The following SMYD3 variants were observed in gnomAD, a reference collection of about 807,000 sequenced individuals.
The protein encoded by SMYD3 is SET and MYND domain containing 3, also known as histone-lysine N-methyltransferase SMYD3.
SMYD3 carries 36 observed loss-of-function variants against 57.7 expected under a neutral mutation model. The ratio of observed to expected loss-of-function variants is 0.62; its 90% confidence interval spans 0.48 to 0.82. The LOEUF (loss-of-function observed/expected upper bound fraction) is 0.82, where lower values mean the gene tolerates loss of function less well. Ranked by LOEUF, SMYD3 falls within the 40% of genes least tolerant of loss-of-function variation. The pLI is 0.00. For missense variants in SMYD3, 515 were observed against 538.8 expected (o/e 0.96, Z 0.44); for synonymous variants, 211 against 195.0 (o/e 1.08, Z -0.68).
chr1:245,818,417 C>T (rs935207959), intron 10 of SMYD3, among the ~76,000 whole-genome samples: 62 of 152,242 alleles, frequency 4.1e-4, no homozygotes, highest in African/African-American at 1.4e-3. Context: ...AAAGGAACAA[C>T]CGGTACCAGC....
intron 5 of SMYD3, among the ~76,000 whole-genome samples, chr1:246,115,660 TG>T (rs1159594977): frequency 1.3e-5 from 2 of 152,206 alleles, no homozygotes; most frequent in African/African-American, 4.8e-5. Flanking sequence ...ACTGGACAGT[TG>T]TCCCCAGTGT....
intron 5 of SMYD3, among the ~76,000 whole-genome samples, chr1:246,027,519 A>G (rs2059596783): frequency 6.6e-6 from 1 of 152,162 alleles, no homozygotes; most frequent in Non-Finnish European, 1.5e-5. Flanking sequence ...ACTGTGGTAA[A>G]TCTGTACTGC....
At chr1:245,805,264 G>C (rs1403885512) in intron 10 of SMYD3, among the ~76,000 whole-genome samples, 1 of 151,004 alleles carries the variant, frequency 6.6e-6, no homozygotes, top group East Asian at 1.9e-4. Context: ...TAATATAAGA[G>C]AGGGGCAAGT....
intron 5 of SMYD3, among the ~76,000 whole-genome samples, chr1:246,243,401 CAT>C (rs66916790): frequency 0.079 from 11,849 of 150,258 alleles, 988 homozygotes; most frequent in East Asian, 0.21. Context: ...TGATTCAACA[CAT>C]AGTGAGCCCT....
At chr1:245,854,469 A>C (rs1323490684) in intron 10 of SMYD3, among the ~76,000 whole-genome samples, 1 of 152,196 alleles carries the variant, frequency 6.6e-6, no homozygotes, top group Non-Finnish European at 1.5e-5. Context: ...CATATCCATG[A>C]GATGAAATAC....
intron 5 of SMYD3, among the ~76,000 whole-genome samples, chr1:246,073,497 G>A (rs1027465374): frequency 4.6e-5 from 7 of 151,950 alleles, no homozygotes; most frequent in African/African-American, 1.5e-4. Context: ...CGGGCAGATC[G>A]CTTGAGCCCA....
chr1:246,462,030 G>C lies in SMYD3; in HGVS notation c.164+45024C>G, dbSNP rs375306426. ...ACCTAATCCAGGCTAGTGTGGTAGGGAGGGCAAGGAAGGCTTCCACAAAAG... is the reference window on the plus strand; with the variant it reads ...ACCTAATCCAGGCTAGTGTGGTAGGCAGGGCAAGGAAGGCTTCCACAAAAG... On this transcript the variant is annotated intron_variant, in intron 1 of 11. Coordinates refer to ENST00000490107, the MANE Select transcript of SMYD3 (RefSeq NM_001167740.2). 4.6e-5 allele frequency among the ~76,000 whole-genome samples: 7 copies of C among 152,328 alleles called. No homozygotes were observed. In the East Asian group the frequency reaches 7.7e-4, roughly 17 times the overall value.
intron 5 of SMYD3, among the ~76,000 whole-genome samples, chr1:246,229,552 G>T (rs957918762): frequency 6.6e-6 from 1 of 152,110 alleles, no homozygotes; most frequent in African/African-American, 2.4e-5. Context: ...GTCTGTTTTC[G>T]CAGTTATAAT....
chr1:246,190,274 G>T (rs955711647), intron 5 of SMYD3, among the ~76,000 whole-genome samples: 6 of 152,164 alleles, frequency 3.9e-5, no homozygotes, highest in African/African-American at 1.4e-4. Context: ...GTATACTTAA[G>T]AGTTTTATTT....
chr1:246,218,276 T>C lies in SMYD3; in HGVS notation c.531+108925A>G, dbSNP rs931928396. Among the ~76,000 whole-genome samples, 6 of 151,382 alleles carry C rather than the reference T, an allele frequency of 4.0e-5. No homozygotes were observed. In the South Asian group the frequency reaches 8.3e-4, roughly 21 times the overall value. Reference sequence around the variant, plus strand: ...AACATAAGATTCAAGATAGTGATTATTTCGTGGGGTGGAGAGGGAGATAAG... The same window carrying C: ...AACATAAGATTCAAGATAGTGATTACTTCGTGGGGTGGAGAGGGAGATAAG... On this transcript the variant is annotated intron_variant, in intron 5 of 11. Transcript: ENST00000490107.
intron 5 of SMYD3, among the ~76,000 whole-genome samples, chr1:246,270,836 A>G (rs2064206835): frequency 1.3e-5 from 2 of 152,184 alleles, no homozygotes; most frequent in Admixed American, 6.5e-5. Context: ...ACATACACAT[A>G]AATGGAATTG....
At chr1:246,102,562 C>A (rs984966301) in intron 5 of SMYD3, among the ~76,000 whole-genome samples, 39 of 152,058 alleles carry the variant, frequency 2.6e-4, no homozygotes, top group African/African-American at 8.7e-4. Flanking sequence ...CCCTACAGTC[C>A]CTTCTTGGAA....
chr1:246,201,734 C>T (rs2062925563), intron 5 of SMYD3, among the ~76,000 whole-genome samples: 1 of 152,190 alleles, frequency 6.6e-6, no homozygotes, highest in Admixed American at 6.5e-5. Flanking sequence ...ATTTTCAGGC[C>T]AGGCGCGGTG....
intron 5 of SMYD3, among the ~76,000 whole-genome samples, chr1:246,229,646 C>G (rs982259552): frequency 1.2e-4 from 18 of 152,182 alleles, no homozygotes; most frequent in African/African-American, 4.3e-4. Flanking sequence ...CAAAGGACCT[C>G]TGACTGCGTC....
At chr1:246,260,503 T>G (rs1262074755) in intron 5 of SMYD3, among the ~76,000 whole-genome samples, 2 of 152,028 alleles carry the variant, frequency 1.3e-5, no homozygotes, top group Non-Finnish European at 2.9e-5. Flanking sequence ...CAGGCTGGAG[T>G]GCAATGGCCC....
chr1:246,197,589 GA>G (rs2062845355), intron 5 of SMYD3, among the ~76,000 whole-genome samples: 2 of 131,406 alleles, frequency 1.5e-5, no homozygotes, highest in Non-Finnish European at 3.1e-5. Flanking sequence ...CAAAAACAAA[GA>G]AAGTATGAAA....
chr1:245,870,650 T>C (rs1313550137), intron 8 of SMYD3, among the ~76,000 whole-genome samples: 1 of 152,200 alleles, frequency 6.6e-6, no homozygotes, highest in East Asian at 1.9e-4. Flanking sequence ...AGGGTATCAC[T>C]CAACACGGTT....
intron 1 of SMYD3, among the ~76,000 whole-genome samples, chr1:246,491,562 A>C: frequency 7.5e-6 from 1 of 133,920 alleles, no homozygotes. Flanking sequence ...AAAAAAAAAG[A>C]GAGAGAAATA....
intron 5 of SMYD3, among the ~76,000 whole-genome samples, chr1:246,208,071 G>A (rs2063027908): frequency 6.6e-6 from 1 of 152,074 alleles, no homozygotes; most frequent in Admixed American, 6.5e-5. Context: ...AGAGAGAGCT[G>A]GGAAAATAGG....
Sources: allele counts gnomAD v4.1 joint callset (sites outside exome capture counted in the v4.1 genomes callset), GRCh38; gene constraint gnomAD v4.1.1; transcripts MANE v1.5; gene names NCBI Gene and HGNC (gene_info 2026-07-23, HGNC 2026-07-21).